NUDT21: variants seen among roughly 807,000 people sequenced by gnomAD.
NUDT21 encodes nudix hydrolase 21.
NUDT21 carries 5 observed loss-of-function variants against 29.8 expected under a neutral mutation model. The ratio of observed to expected loss-of-function variants is 0.17; its 90% CI spans 0.09 to 0.35. The LOEUF is 0.35. NUDT21 is among the 10% of genes least tolerant of loss of function. The pLI, the probability that NUDT21 is intolerant of heterozygous loss-of-function variation, is 1.00. For missense variants in NUDT21, 76 were observed against 276.0 expected, an observed-to-expected ratio of 0.28 and a Z score of 5.13; for synonymous variants, 113 against 98.5, an observed-to-expected ratio of 1.15 and a Z score of -0.87.
At position 56,432,495 on chromosome 16, in the gene NUDT21, G is replaced by A; in HGVS notation, c.*217C>T. The A allele has an allele frequency of 2.5e-6, 1 of 407,628 alleles. No individual in the cohort carries two copies. The highest frequency in any genetic ancestry group is 4.5e-6 in the Non-Finnish European group (1 of 222,106). 25.3% of individuals were successfully genotyped at this position (407,628 alleles called of 1,614,324 possible). ...TCTTTAATGTTGTACAAAAAAGTAT[G>A]AGCAGAACCGAAAGTAAATAAACAT... is the stretch of plus-strand genomic sequence containing the variant. On this transcript the variant is annotated 3_prime_UTR_variant, in exon 7 of 7. Coordinates refer to ENST00000300291, the MANE Select transcript of NUDT21 (RefSeq NM_007006.3).
intron 6 of NUDT21, 92 bp downstream of exon 6, chr16:56,434,239 A>G (rs1596953356): frequency 2.5e-6 from 2 of 804,666 alleles, no homozygotes; most frequent in East Asian, 5.0e-5. Context: ...TTAAAGACCA[A>G]AATTCATGAA....
chr16:56,444,040 C>T (rs898940871), intron 3 of NUDT21, among the ~76,000 whole-genome samples: 3 of 152,178 alleles, frequency 2.0e-5, no homozygotes, highest in Non-Finnish European at 4.4e-5. Context: ...TGCATGTAAT[C>T]CCAATGCTTT....
chr16:56,442,342 T>C (rs1372101071), intron 3 of NUDT21, among the ~76,000 whole-genome samples: 1 of 152,254 alleles, frequency 6.6e-6, no homozygotes, highest in Non-Finnish European at 1.5e-5. Flanking sequence ...ACTCTGCATG[T>C]CTAGAAGTAA....
chr16:56,442,253 CCTT>C (rs1292661610), intron 3 of NUDT21, among the ~76,000 whole-genome samples: 1 of 152,190 alleles, frequency 6.6e-6, no homozygotes, highest in Non-Finnish European at 1.5e-5. Context: ...CAGCTGGAGT[CCTT>C]ATTTTATTCC....
intron 3 of NUDT21, among the ~76,000 whole-genome samples, chr16:56,445,845 C>G (rs1315234638): frequency 6.6e-6 from 1 of 152,122 alleles, no homozygotes. Context: ...AAATGGAAGT[C>G]CAAGCACAGG....
chr16:56,440,291 G>A (rs1440196401), intron 3 of NUDT21, among the ~76,000 whole-genome samples: 6 of 152,136 alleles, frequency 3.9e-5, no homozygotes, highest in African/African-American at 1.4e-4. Context: ...CAGTTTCCCC[G>A]ACTGTTAACA....
intron 1 of NUDT21, among the ~76,000 whole-genome samples, chr16:56,448,389 G>C (rs1391630564): frequency 6.6e-6 from 1 of 152,114 alleles, no homozygotes; most frequent in Non-Finnish European, 1.5e-5. Flanking sequence ...TTTAATTATG[G>C]GTGCTAATGG....
chr16:56,446,591 T>G, intron 3 of NUDT21, 35 bp downstream of exon 3: 1 of 1,242,480 alleles, frequency 8.0e-7, no homozygotes, highest in Non-Finnish European at 1.2e-6. Flanking sequence ...AACTAGTAAG[T>G]TGATGGTATT....
intron 3 of NUDT21, among the ~76,000 whole-genome samples, chr16:56,443,424 T>A (rs1016379857): frequency 6.6e-6 from 1 of 152,174 alleles, no homozygotes; most frequent in Non-Finnish European, 1.5e-5. Context: ...TCCACCCGCC[T>A]TGGCCTCCCC....
chr16:56,450,805 G>GT (rs1962295809), intron 1 of NUDT21, among the ~76,000 whole-genome samples: 1 of 152,242 alleles, frequency 6.6e-6, no homozygotes, highest in African/African-American at 2.4e-5. Context: ...GTTACCTCTG[G>GT]AGAGGTGGGG....
chr16:56,437,529 C>T (rs1216030254), intron 4 of NUDT21, among the ~76,000 whole-genome samples: 2 of 152,176 alleles, frequency 1.3e-5, no homozygotes, highest in African/African-American at 4.8e-5. Context: ...TGAAAAGTAT[C>T]AGAGGGTTCC....
intron 5 of NUDT21, 131 bp from the exon 6 acceptor site, chr16:56,434,576 T>A: frequency 1.3e-6 from 1 of 777,024 alleles, no homozygotes; most frequent in Non-Finnish European, 2.1e-6. Flanking sequence ...ACATTTTGGT[T>A]GTGTCTTTCA....
chr16:56,434,231 A>G (rs1171890106), intron 6 of NUDT21, 100 bp downstream of exon 6: 6 of 756,276 alleles, frequency 7.9e-6, no homozygotes, highest in Admixed American at 4.9e-5. Context: ...TAGTTTCCTT[A>G]AAGACCAAAA....
At position 56,431,624 on chromosome 16, in the gene NUDT21, G is replaced by A. The variant is rs1348180765; in HGVS notation, c.*1088C>T. On this transcript the variant is annotated 3_prime_UTR_variant, in exon 7 of 7. Coordinates refer to ENST00000300291, the MANE Select transcript of NUDT21 (RefSeq NM_007006.3). The stretch of plus-strand genomic sequence containing the variant: ...CCTATAGTCAACAAGTCTGTAATAA[G>A]GCATACATGCTATACTTTGATCATT... 6 of 152,038 alleles carry A rather than the reference G, an allele frequency of 3.9e-5. No individual in the cohort carries two copies. The highest frequency in any genetic ancestry group is 7.4e-5 in the Non-Finnish European group (5 of 68,014). The allele number at this position is 152,038 out of a possible 1,614,324, so 9.4% of individuals were successfully genotyped here. A position where few individuals can be genotyped will look rare whatever the true frequency, so the allele number is the denominator to read the frequency against.
intron 3 of NUDT21, among the ~76,000 whole-genome samples, chr16:56,441,884 T>A (rs529847284): frequency 4.6e-5 from 7 of 152,358 alleles, no homozygotes; most frequent in African/African-American, 1.7e-4. Flanking sequence ...ATTAATTTCA[T>A]CTTTTCTAAG....
At position 56,434,444 on chromosome 16, in the gene NUDT21, G is replaced by T; in HGVS notation, c.549C>A (p.Ala183=). 1 of 1,570,834 alleles carries T rather than the reference G, an allele frequency of 6.4e-7. No homozygotes were observed. The highest frequency in any genetic ancestry group is 8.8e-7 in the Non-Finnish European group (1 of 1,141,858). ...KLFLVQLQEK[A]LFAVPKNYKL... ...TGTAATTTTTAGGGACTGCAAACAA[G>T]GCTAAAATAAAACAGAATTCATTAT... The change falls in exon 6 of 7, where the codon GCC becomes GCA. Residue 183 remains alanine (A), a splice_region_variant and synonymous_variant. Transcript: ENST00000300291.
At chr16:56,447,750 C>G in intron 2 of NUDT21, 39 bp downstream of exon 2, 1 of 1,588,280 alleles carries the variant, frequency 6.3e-7, no homozygotes, top group Non-Finnish European at 8.6e-7. Flanking sequence ...AGCAATCCTA[C>G]TAAAAACTGT....
intron 3 of NUDT21, among the ~76,000 whole-genome samples, chr16:56,443,751 G>A (rs568992287): frequency 6.6e-6 from 1 of 152,244 alleles, no homozygotes; most frequent in Admixed American, 6.5e-5. Context: ...CTTTGCACAT[G>A]CCCACTCCCA....
At chr16:56,436,387 C>A (rs922927224) in intron 4 of NUDT21, among the ~76,000 whole-genome samples, 2 of 152,182 alleles carry the variant, frequency 1.3e-5, no homozygotes, top group Non-Finnish European at 2.9e-5. Flanking sequence ...TGTATCTATT[C>A]AACTCTTATC....
Sources: allele counts gnomAD v4.1 joint callset (sites outside exome capture counted in the v4.1 genomes callset), GRCh38; gene constraint gnomAD v4.1.1; transcripts MANE v1.5; gene names NCBI Gene and HGNC (gene_info 2026-07-23, HGNC 2026-07-21).